SSTR3: variants seen among roughly 807,000 people sequenced by gnomAD.
SSTR3 encodes the protein somatostatin receptor 3.
For synonymous variants in SSTR3, 281 were observed against 269.2 expected (o/e 1.04, Z -0.43); for missense variants, 504 against 604.7 (o/e 0.83, Z 1.75).
At chr22:37,220,131 T>C in the SSTR3 span, among the ~76,000 whole-genome samples, 7 of 152,158 alleles carry the variant, frequency 4.6e-5, no homozygotes, top group Non-Finnish European at 1.0e-4. Context: ...TAAACAGTGA[T>C]GAAGACTGTT....
intron 1 of SSTR3, chr22:37,210,474 C>CTT: frequency 1.0e-6 from 1 of 974,666 alleles, no homozygotes; most frequent in Non-Finnish European, 1.2e-6. Context: ...GCCGGTCTTC[C>CTT]CTGTCAAAGT....
At chr22:37,213,786 G>A (rs140368952), upstream of SSTR3, among the ~76,000 whole-genome samples, 980 of 152,266 alleles carry the variant, frequency 6.4e-3, 7 homozygotes, top group Middle Eastern at 0.031. Flanking sequence ...AAGCTCTCTC[G>A]CCGCAGCCCA....
In SSTR3 at chr22:37,207,205, G is replaced by A. The variant is rs367840725; in HGVS notation, c.599C>T (p.Ala200Val). The change falls in exon 2 of 2, where the codon GCG (alanine) becomes GTG (valine). Residue 200 changes from alanine to valine, a missense_variant. By Grantham distance (64) the Ala-to-Val change is moderately conservative. Coordinates refer to ENST00000610913, the MANE Select transcript of SSTR3 (RefSeq NM_001051.5). ...TCHMQWPEPA[A>V]AWRAGFIIYT... is the part of the protein sequence containing the mutation. ...GATGATGAAGCCGGCTCGCCAGGCC[G>A]CCGCCGGCTCGGGCCACTGCATGTG... 9.3e-5 allele frequency: 150 copies of A among 1,610,626 alleles called. No homozygotes were observed. The highest frequency in any genetic ancestry group is 1.1e-4 in the Non-Finnish European group (134 of 1,178,966).
chr22:37,207,989 ATCTCAT>A, intron 1 of SSTR3, 150 bp from the exon 2 acceptor site: 1 of 1,313,002 alleles, frequency 7.6e-7, no homozygotes, highest in Non-Finnish European at 9.7e-7. Context: ...AGCACGCACC[ATCTCAT>A]TCACCCCGCA....
the SSTR3 span, among the ~76,000 whole-genome samples, chr22:37,219,117 T>A: frequency 6.6e-6 from 1 of 152,246 alleles, no homozygotes; most frequent in African/African-American, 2.4e-5. Flanking sequence ...GGTGGGAGTT[T>A]GTGTTTCTGT....
At chr22:37,211,348 G>T (rs1019136295) in intron 1 of SSTR3, among the ~76,000 whole-genome samples, 2 of 152,242 alleles carry the variant, frequency 1.3e-5, no homozygotes, top group African/African-American at 2.4e-5. Flanking sequence ...CCAGCGCTGG[G>T]GGCTTGGGCT....
At chr22:37,210,270 G>A (rs963947202) in intron 1 of SSTR3, among the ~76,000 whole-genome samples, 17 of 152,242 alleles carry the variant, frequency 1.1e-4, no homozygotes, top group African/African-American at 3.9e-4. Context: ...CTGGGGGTAA[G>A]CTCTGAGGTT....
chr22:37,206,961 C>T lies in SSTR3; in HGVS notation c.843G>A (p.Val281=), dbSNP rs765027857. ...MPFYVLNIVN[V]VCPLPEEPAF... ...CAGGCTCCTCGGGCAGTGGGCACAC[C>T]ACGTTGACGATGTTGAGCACGTAGA... Residue 281 remains valine, a synonymous_variant, in exon 2 of 2, where the codon GTG becomes GTA. Coordinates refer to ENST00000610913, the MANE Select transcript of SSTR3 (RefSeq NM_001051.5). 9.9e-6 allele frequency: 16 copies of T among 1,612,480 alleles called. No homozygotes were observed. The highest frequency in any genetic ancestry group is 1.4e-5 in the Non-Finnish European group (16 of 1,179,282).
chr22:37,207,612 C>G lies in SSTR3; in HGVS notation c.192G>C (p.Leu64=). 1.2e-5 allele frequency: 20 copies of G among 1,606,314 alleles called. No individual in the cohort carries two copies. The highest frequency in any genetic ancestry group is 1.7e-5 in the Non-Finnish European group (20 of 1,174,326). The change falls in exon 2 of 2, where the codon CTG becomes CTC. Residue 64 remains leucine (L), a synonymous_variant. Coordinates refer to ENST00000610913, the MANE Select transcript of SSTR3 (RefSeq NM_001051.5). The part of the protein sequence containing the change: ...VCVVGLLGNS[L]VIYVVLRHTA... ...TGTGCCGCAGGACCACATAGATGAC[C>G]AGCGAGTTACCCAGCAGGCCCACCA...
rs1925581159 is a variant in SSTR3 at position 37,204,389 on chromosome 22, T to C, written c.*2158A>G. The C allele has an allele frequency of 6.6e-6, 1 of 152,346 alleles. No individual in the cohort carries two copies. Among genetic ancestry groups the C allele is most frequent in the African/African-American group, 2.4e-5 (1 of 41,448 alleles). The allele number at this position is 152,346 out of a possible 1,614,324, so 9.4% of individuals were successfully genotyped here. ...CAGAGAAGGCCAGAAGGCCAGGGCA[T>C]CCTTCCTCCCTTGGACCCTCAGATC... On this transcript the variant is annotated 3_prime_UTR_variant, in exon 2 of 2. Coordinates refer to ENST00000610913, the MANE Select transcript of SSTR3 (RefSeq NM_001051.5).
Position 37,206,745 on chromosome 22 carries a change from CTCA to C in SSTR3, c.1056_1058del (p.Asp352del). ...TGCTCTCCTCCCCATCCTCCTCCTC[CTCA>C]TCCTCCTCCTCAGTCTTCTCCGGGG... On this transcript the variant is annotated inframe_deletion, in exon 2 of 2. Transcript: ENST00000610913. 2 of 1,609,460 alleles carry C rather than the reference CTCA, an allele frequency of 1.2e-6. No individual in the cohort carries two copies. Among genetic ancestry groups the C allele is most frequent in the Non-Finnish European group, 1.7e-6 (2 of 1,179,784 alleles).
rs373584190 is a variant in SSTR3 at position 37,206,424 on chromosome 22, A to G, written c.*123T>C. Reference sequence around the variant, plus strand: ...GGTCACACAGCAAGACCTGGCAGCAATAGCATCAAAGTCCAGGCCCCTCAA... The same window carrying G: ...GGTCACACAGCAAGACCTGGCAGCAGTAGCATCAAAGTCCAGGCCCCTCAA... On this transcript the variant is annotated 3_prime_UTR_variant, in exon 2 of 2. Transcript: ENST00000610913. 5.6e-6 allele frequency: 8 copies of G among 1,433,896 alleles called. No individual in the cohort carries two copies. In the South Asian group the frequency reaches 5.7e-5, roughly 10 times the overall value. 88.8% of individuals were successfully genotyped at this position (1,433,896 alleles called of 1,614,324 possible). A position where few individuals can be genotyped will look rare whatever the true frequency, so the allele number is the denominator to read the frequency against.
chr22:37,206,578 T>C lies in SSTR3; in HGVS notation c.1226A>G (p.Lys409Arg), dbSNP rs1925763737. The C allele has an allele frequency of 1.2e-6, 2 of 1,612,000 alleles. No individual in the cohort carries two copies. The highest frequency in any genetic ancestry group is 8.5e-7 in the Non-Finnish European group (1 of 1,179,744). The part of the protein sequence containing the change: ...LLPQEASTGE[K>R]SSTMRISYL Reference sequence around the variant, plus strand: ...GTAGCTGATGCGCATCGTGCTGGACTTCTCCCCAGTGGAAGCCTCTTGGGG... The same window carrying C: ...GTAGCTGATGCGCATCGTGCTGGACCTCTCCCCAGTGGAAGCCTCTTGGGG... The change falls in exon 2 of 2, where the codon AAG becomes AGG. Residue 409 changes from lysine to arginine, a missense_variant. Physicochemically the swap from Lys to Arg is conservative, Grantham distance 26. Transcript: ENST00000610913.
the SSTR3 span, among the ~76,000 whole-genome samples, chr22:37,218,786 G>T: frequency 6.6e-6 from 1 of 152,054 alleles, no homozygotes; most frequent in East Asian, 1.9e-4. Flanking sequence ...GCCTGACCAC[G>T]TAATGGAAAA....
Position 37,207,671 on chromosome 22 carries a change from C to T in SSTR3, c.133G>A (p.Val45Ile), listed in dbSNP as rs147574177. 4.7e-4 allele frequency: 747 copies of T among 1,575,032 alleles called. No individual in the cohort carries two copies. The highest frequency in any genetic ancestry group is 6.0e-4 in the Non-Finnish European group (695 of 1,156,910). The change falls in exon 2 of 2, where the codon GTT (valine) becomes ATT (isoleucine). Residue 45 changes from valine (V) to isoleucine (I), a missense_variant. Physicochemically the swap from Val to Ile is conservative, Grantham distance 29. Coordinates refer to ENST00000610913, the MANE Select transcript of SSTR3 (RefSeq NM_001051.5). ...ACCAGGTAGACCAGGGGGATCAGAA[C>T]GCCACTGACGGCCAGCCCTGCCGGG... ...PSPAGLAVSG[V>I]LIPLVYLVVC...
intron 1 of SSTR3, chr22:37,210,853 A>C: frequency 1.0e-6 from 1 of 985,408 alleles, no homozygotes; most frequent in East Asian, 1.1e-4. Flanking sequence ...TTTATTTCTT[A>C]ACCCCAGAAC....
chr22:37,207,254 C>T lies in SSTR3; in HGVS notation c.550G>A (p.Val184Met). Reference protein sequence around the residue: ...VVLPVVVFSGVPRGMSTCHMQ... With the variant: ...VVLPVVVFSGMPRGMSTCHMQ... Reference sequence around the variant, plus strand: ...TGGCAGGTGCTCATGCCGCGGGGCACTCCCGAGAAGACCACCACGGGCAGC... The same window carrying T: ...TGGCAGGTGCTCATGCCGCGGGGCATTCCCGAGAAGACCACCACGGGCAGC... The change falls in exon 2 of 2, where the codon GTG becomes ATG. Residue 184 changes from valine to methionine, a missense_variant. Coordinates refer to ENST00000610913, the MANE Select transcript of SSTR3 (RefSeq NM_001051.5). The T allele has an allele frequency of 1.2e-6, 2 of 1,603,358 alleles. No homozygotes were observed. The highest frequency in any genetic ancestry group is 1.7e-6 in the Non-Finnish European group (2 of 1,174,628).
intron 1 of SSTR3, chr22:37,210,778 A>G (rs1467725911): frequency 5.1e-6 from 5 of 985,340 alleles, no homozygotes; most frequent in Non-Finnish European, 4.8e-6. Flanking sequence ...CACCCCAATC[A>G]TTCTCCATTT....
In SSTR3 at chr22:37,207,247, C is replaced by G. The variant is rs552400624; in HGVS notation, c.557G>C (p.Arg186Pro). ...CTGCATGTGGCAGGTGCTCATGCCG[C>G]GGGGCACTCCCGAGAAGACCACCAC... ...LPVVVFSGVP[R>P]GMSTCHMQWP... Residue 186 changes from arginine (R) to proline (P), a missense_variant, in exon 2 of 2, where the codon CGC becomes CCC. Transcript: ENST00000610913. 2.5e-6 allele frequency: 4 copies of G among 1,605,168 alleles called. No homozygotes were observed. The Admixed American group carries it at 5.1e-5, about 20-fold the overall frequency.
Sources: gnomAD v4.1 joint callset for allele counts (sites outside exome capture counted in the v4.1 genomes callset) on GRCh38, gnomAD v4.1.1 for gene constraint, MANE v1.5 for transcripts, NCBI Gene and HGNC (gene_info 2026-07-23, HGNC 2026-07-21) for gene names.